The following ATF7 variants were observed in gnomAD, a reference collection of about 807,000 sequenced individuals.
ATF7 encodes the protein activating transcription factor 7.
Under a neutral mutation model 50.4 loss-of-function variants are expected in ATF7, and 10 were observed. The observed-to-expected ratio is 0.20, with a 90% confidence interval of 0.12 to 0.34. The LOEUF (loss-of-function observed/expected upper bound fraction) is 0.34, where lower values mean the gene tolerates loss of function less well. ATF7 is among the 10% of genes least tolerant of loss of function. The pLI is 1.00. For synonymous variants in ATF7, 201 were observed against 226.4 expected (o/e 0.89, Z 1.01); for missense variants, 465 against 613.9 (o/e 0.76, Z 2.56).
chr12:53,534,353 C>T, intron 6 of ATF7, 149 bp downstream of exon 6: 1 of 1,185,822 alleles, frequency 8.4e-7, no homozygotes, highest in Admixed American at 2.0e-5. Flanking sequence ...AAAGAAGATT[C>T]TGTTTATGGG....
At chr12:53,615,550 G>A (rs759698609) in intron 1 of ATF7, among the ~76,000 whole-genome samples, 15 of 152,052 alleles carry the variant, frequency 9.9e-5, no homozygotes, top group Admixed American at 1.3e-4. Flanking sequence ...CAGTAATTAC[G>A]TCACATTCAA....
chr12:53,587,247 G>A (rs2137742152), intron 2 of ATF7, among the ~76,000 whole-genome samples: 1 of 151,248 alleles, frequency 6.6e-6, no homozygotes, highest in African/African-American at 2.4e-5. Context: ...CACATCTGTA[G>A]TCCCAGCTAC....
At chr12:53,547,906 T>C (rs1940056608) in intron 3 of ATF7, among the ~76,000 whole-genome samples, 1 of 151,686 alleles carries the variant, frequency 6.6e-6, no homozygotes, top group African/African-American at 2.4e-5. Flanking sequence ...GGTCTCACTC[T>C]GTCGTCACCC....
chr12:53,579,576 AGT>A (rs968977079), intron 2 of ATF7, among the ~76,000 whole-genome samples: 4 of 146,700 alleles, frequency 2.7e-5, no homozygotes, highest in African/African-American at 5.0e-5. Context: ...AAAAGCGTGG[AGT>A]GTGCGTAATT....
At chr12:53,598,280 C>A (rs865984784) in intron 2 of ATF7, among the ~76,000 whole-genome samples, 1 of 152,272 alleles carries the variant, frequency 6.6e-6, no homozygotes, top group Middle Eastern at 3.4e-3. Flanking sequence ...TATAATCTCA[C>A]CTGACCATAA....
chr12:53,543,149 G>A, intron 4 of ATF7, 181 bp downstream of exon 4: 2 of 1,492,878 alleles, frequency 1.3e-6, no homozygotes, highest in East Asian at 2.5e-5. Context: ...TCCATCATCT[G>A]GAACTCCTAA....
intron 2 of ATF7, among the ~76,000 whole-genome samples, chr12:53,556,565 C>T (rs1940768713): frequency 1.3e-5 from 2 of 152,066 alleles, no homozygotes; most frequent in South Asian, 4.1e-4. Context: ...CCATTGCACT[C>T]CAATCTGGGC....
rs1565919764 is a variant in ATF7, at chr12:53,524,877, A to C, written c.928-116T>G. 1 of 995,004 alleles carries C rather than the reference A, an allele frequency of 1.0e-6. No individual in the cohort carries two copies. The highest frequency in any genetic ancestry group is 3.1e-5 in the Admixed American group (1 of 32,748). 61.6% of individuals were successfully genotyped at this position (995,004 alleles called of 1,614,324 possible). A position where few individuals can be genotyped will look rare whatever the true frequency, so the allele number is the denominator to read the frequency against. On this transcript the variant is annotated intron_variant, in intron 9 of 11. Coordinates refer to ENST00000420353, the MANE Select transcript of ATF7 (RefSeq NM_006856.3). The surrounding 1 kb of genome is among the most constrained non-coding windows in gnomAD (Gnocchi z 4.6). ...TAAAAGGATATACCAGCCTCTGGTA[A>C]CCACAGCAAGTCTCATTACTATGTC...
chr12:53,595,760 T>C (rs982149571), intron 2 of ATF7, among the ~76,000 whole-genome samples: 15 of 152,172 alleles, frequency 9.9e-5, no homozygotes, highest in African/African-American at 3.6e-4. Context: ...CTCAATCCCA[T>C]CACAACTAGG....
intron 3 of ATF7, among the ~76,000 whole-genome samples, chr12:53,548,196 G>T (rs1940077951): frequency 6.6e-6 from 1 of 151,968 alleles, no homozygotes; most frequent in African/African-American, 2.4e-5. Flanking sequence ...TTTTTGTTAA[G>T]ATGGGTCTCA....
At chr12:53,552,103 C>T (rs896305598) in intron 3 of ATF7, among the ~76,000 whole-genome samples, 11 of 152,198 alleles carry the variant, frequency 7.2e-5, no homozygotes, top group African/African-American at 2.7e-4. Flanking sequence ...AATTTATGAA[C>T]TGACAATCTG....
intron 2 of ATF7, among the ~76,000 whole-genome samples, chr12:53,589,520 T>TG (rs1183558664): frequency 1.3e-5 from 2 of 152,214 alleles, no homozygotes; most frequent in Admixed American, 1.3e-4. Flanking sequence ...TATGCATACA[T>TG]GACCTGTTAA....
rs372394907 is a variant in ATF7, at chr12:53,537,396, T to C, written c.402+19A>G. ...CTTTATCAATTAACATTTGAGATGATCCTTGGTAGAGAATTTACCTTCTCC... is the reference window on the plus strand; with the variant it reads ...CTTTATCAATTAACATTTGAGATGACCCTTGGTAGAGAATTTACCTTCTCC... On this transcript the variant is annotated intron_variant, in intron 5 of 11. Coordinates refer to ENST00000420353, the MANE Select transcript of ATF7 (RefSeq NM_006856.3). 32 of 1,613,010 alleles carry C rather than the reference T, an allele frequency of 2.0e-5. No individual in the cohort carries two copies. The African/African-American group carries it at 2.9e-4, about 15-fold the overall frequency.
chr12:53,599,777 GT>G (rs1310545700), intron 2 of ATF7, among the ~76,000 whole-genome samples: 1 of 152,116 alleles, frequency 6.6e-6, no homozygotes, highest in East Asian at 1.9e-4. Context: ...ACCAGTAAGT[GT>G]CAGTGGACAG....
At chr12:53,587,843 ATTTTTTTTT>A (rs201692852) in intron 2 of ATF7, among the ~76,000 whole-genome samples, 9 of 61,558 alleles carry the variant, frequency 1.5e-4, no homozygotes, top group East Asian at 1.0e-3. Flanking sequence ...ATATATATAT[ATTTTTTTTT>A]TTTTTTCTTT....
chr12:53,507,957 C>T (rs1214091119), downstream of ATF7: 1 of 155,400 alleles, frequency 6.4e-6, no homozygotes, highest in African/African-American at 2.4e-5. Flanking sequence ...TCCTCTGTGC[C>T]TGGGGCTGGC....
At position 53,566,551 on chromosome 12, in the gene ATF7, G is replaced by A. The variant is rs137956038; in HGVS notation, c.49-13914C>T. On this transcript the variant is annotated intron_variant, in intron 2 of 11. Coordinates refer to ENST00000420353, the MANE Select transcript of ATF7 (RefSeq NM_006856.3). The stretch of plus-strand genomic sequence containing the variant: ...CTTATAAAAGGGAAAGCCAGAACAA[G>A]AGAGTTCCTGATGCTACCTGCCCCT... 3.9e-5 allele frequency among the ~76,000 whole-genome samples: 6 copies of A among 152,308 alleles called. No homozygotes were observed. The East Asian group carries it at 9.6e-4, about 24-fold the overall frequency.
chr12:53,533,300 T>C (rs1490616165), intron 6 of ATF7, 41 bp from the exon 7 acceptor site: 1 of 1,479,926 alleles, frequency 6.8e-7, no homozygotes, highest in Non-Finnish European at 9.4e-7. Flanking sequence ...ACACAGACCT[T>C]TTGTCCATGG....
chr12:53,516,862 C>G lies in ATF7; in HGVS notation c.*275G>C. On this transcript the variant is annotated 3_prime_UTR_variant, in exon 12 of 12. Transcript: ENST00000420353. ...CGTGCATGGGGCAGGGGTGATTGTT[C>G]GGACCATCTGGAAAGGCCTTTGGCT... 4.0e-6 allele frequency: 2 copies of G among 497,332 alleles called. No homozygotes were observed. The highest frequency in any genetic ancestry group is 7.4e-6 in the Non-Finnish European group (2 of 271,352). 30.8% of individuals were successfully genotyped at this position (497,332 alleles called of 1,614,324 possible). A position where few individuals can be genotyped will look rare whatever the true frequency, so the allele number is the denominator to read the frequency against.
Sources: gnomAD v4.1 joint callset for allele counts (sites outside exome capture counted in the v4.1 genomes callset) on GRCh38, gnomAD v4.1.1 for gene constraint, Gnocchi (gnomAD v3.1) non-coding constraint, MANE v1.5 for transcripts, NCBI Gene and HGNC (gene_info 2026-07-23, HGNC 2026-07-21) for gene names.